AGTR1: variants seen among roughly 807,000 people sequenced by gnomAD.
AGTR1 encodes angiotensin II receptor type 1, also known as type-1 angiotensin II receptor.
AGTR1 carries 16 observed loss-of-function variants against 19.4 expected under a neutral mutation model. That is an observed-to-expected ratio of 0.82 (90% CI 0.56 to 1.25). The LOEUF (loss-of-function observed/expected upper bound fraction) is 1.25. Among genes scored for constraint, AGTR1 ranks in the 50% most tolerant of loss-of-function variants. AGTR1 has a pLI of 0.00. For synonymous variants in AGTR1, 153 were observed against 154.9 expected (o/e 0.99, Z 0.09); for missense variants, 373 against 431.9 (o/e 0.86, Z 1.21).
chr3:148,730,570 G>A (rs534627774), intron 2 of AGTR1: 226 of 187,868 alleles, frequency 1.2e-3, no homozygotes, highest in African/African-American at 5.0e-3. Flanking sequence ...CATTTTAGCT[G>A]AGGGTACTTT....
At chr3:148,734,106 A>G (rs1226774709) in intron 2 of AGTR1, among the ~76,000 whole-genome samples, 1 of 152,118 alleles carries the variant, frequency 6.6e-6, no homozygotes, top group African/African-American at 2.4e-5. Flanking sequence ...GAGTTGTTTA[A>G]TTTATAGTAA....
At chr3:148,702,587 A>T (rs890570525) in intron 1 of AGTR1, among the ~76,000 whole-genome samples, 3 of 152,146 alleles carry the variant, frequency 2.0e-5, no homozygotes, top group African/African-American at 7.2e-5. Context: ...GAAGCCATTT[A>T]AAAATGGCCC....
chr3:148,738,317 T>C (rs1197612608), intron 2 of AGTR1, among the ~76,000 whole-genome samples: 4 of 152,080 alleles, frequency 2.6e-5, no homozygotes, highest in African/African-American at 9.7e-5. Context: ...TGGAGTTCAC[T>C]CAGGCCCTTT....
chr3:148,701,650 T>A (rs767327369), intron 1 of AGTR1, among the ~76,000 whole-genome samples: 3 of 152,208 alleles, frequency 2.0e-5, no homozygotes, highest in Non-Finnish European at 4.4e-5. Context: ...AATGTTTTTA[T>A]TGTGTTGTTA....
chr3:148,737,287 A>T (rs1350065818), intron 2 of AGTR1, among the ~76,000 whole-genome samples: 1 of 152,016 alleles, frequency 6.6e-6, no homozygotes, highest in Non-Finnish European at 1.5e-5. Context: ...TGCTGCAGGC[A>T]TTAGTAAGGA....
chr3:148,718,522 G>T (rs1418238017), intron 2 of AGTR1, among the ~76,000 whole-genome samples: 1 of 152,136 alleles, frequency 6.6e-6, no homozygotes, highest in Admixed American at 6.5e-5. Context: ...AACATGGAAC[G>T]CAGTGAAAAC....
intron 1 of AGTR1, among the ~76,000 whole-genome samples, chr3:148,703,032 G>C (rs1055771653): frequency 1.3e-5 from 2 of 152,082 alleles, no homozygotes; most frequent in Admixed American, 1.3e-4. Context: ...GGAGAAAAGA[G>C]TAAGGAAAGA....
intron 1 of AGTR1, among the ~76,000 whole-genome samples, chr3:148,701,977 C>CTTT (rs398062907): frequency 4.5e-5 from 6 of 132,646 alleles, no homozygotes; most frequent in South Asian, 2.4e-4. Flanking sequence ...GATTGTGTAC[C>CTTT]TTTTTTTTTT....
chr3:148,710,226 A>G (rs988020673), intron 2 of AGTR1, among the ~76,000 whole-genome samples: 1 of 152,212 alleles, frequency 6.6e-6, no homozygotes, highest in Non-Finnish European at 1.5e-5. Context: ...GAAGTTTTTA[A>G]TACTTTTGAA....
intron 2 of AGTR1, among the ~76,000 whole-genome samples, chr3:148,732,024 C>T (rs1197464932): frequency 6.6e-6 from 1 of 152,156 alleles, no homozygotes; most frequent in East Asian, 1.9e-4. Context: ...TTTATCTGGG[C>T]AATTAGACCA....
intron 2 of AGTR1, among the ~76,000 whole-genome samples, chr3:148,739,341 A>G (rs1408743222): frequency 1.3e-5 from 2 of 151,430 alleles, no homozygotes; most frequent in Non-Finnish European, 2.9e-5. Flanking sequence ...CCTGGGCAAT[A>G]CAGTGACACT....
At chr3:148,698,987 GT>G (rs140965291) in intron 1 of AGTR1, among the ~76,000 whole-genome samples, 3 of 124,490 alleles carry the variant, frequency 2.4e-5, no homozygotes, top group African/African-American at 1.5e-4. Flanking sequence ...CTTCTGCACC[GT>G]TTTTTTCTTT....
chr3:148,733,171 TTTC>T (rs1186791109), intron 2 of AGTR1, among the ~76,000 whole-genome samples: 1 of 152,154 alleles, frequency 6.6e-6, no homozygotes, highest in African/African-American at 2.4e-5. Context: ...GCTCCCACAT[TTTC>T]CACCAATTTG....
chr3:148,741,187 TA>T lies in AGTR1; in HGVS notation c.153del (p.Ile51MetfsTer7), dbSNP rs1714852924. On this transcript the variant is annotated frameshift_variant, in exon 3 of 3. Transcript: ENST00000349243. LOFTEE classifies it high-confidence loss of function. ...VGIFGNSLVV[I>X]VIYFYMKLKT... ...ATATTTGGAAACAGCTTGGTGGTGA[TA>T]GTCATTTACTTTTATATGAAGCTGA... The T allele has an allele frequency of 6.2e-7, 1 of 1,614,194 alleles. No homozygotes were observed. Among genetic ancestry groups the T allele is most frequent in the Non-Finnish European group, 8.5e-7 (1 of 1,180,032 alleles).
intron 1 of AGTR1, among the ~76,000 whole-genome samples, chr3:148,699,220 C>G (rs1576520345): frequency 6.6e-6 from 1 of 152,270 alleles, no homozygotes; most frequent in East Asian, 1.9e-4. Context: ...CCCTATTGAT[C>G]TATTTTATTA....
Position 148,716,171 on chromosome 3 carries a change from G to T in AGTR1, c.-48+8144G>T, listed in dbSNP as rs2107941092. Among the ~76,000 whole-genome samples, 1 of 152,250 alleles carries T rather than the reference G, an allele frequency of 6.6e-6. No individual in the cohort carries two copies. The highest frequency in any genetic ancestry group is 1.9e-4 in the East Asian group (1 of 5,180). On this transcript the variant is annotated intron_variant, in intron 2 of 2. Coordinates refer to ENST00000349243, the MANE Select transcript of AGTR1 (RefSeq NM_000685.5). This position sits in a 1 kb window ranked among gnomAD's most constrained non-coding sequence, Gnocchi z 4.7. Reference sequence around the variant, plus strand: ...GCCCTTTTCAGAGCACTCCACCAGTGCCCTTGTCCTCCTGGGCAGAGCTCC... The same window carrying T: ...GCCCTTTTCAGAGCACTCCACCAGTTCCCTTGTCCTCCTGGGCAGAGCTCC...
chr3:148,720,514 G>A (rs1713571004), intron 2 of AGTR1, among the ~76,000 whole-genome samples: 1 of 152,088 alleles, frequency 6.6e-6, no homozygotes, highest in Admixed American at 6.5e-5. Flanking sequence ...ACAAGCTGTA[G>A]CATAGAGGGA....
In AGTR1 at chr3:148,714,655, A is replaced by G. The variant is rs572608094; in HGVS notation, c.-48+6628A>G. 1.1e-4 allele frequency among the ~76,000 whole-genome samples: 17 copies of G among 152,308 alleles called. No homozygotes were observed. The South Asian group carries it at 3.3e-3, about 30-fold the overall frequency. ...TTAAAATGCTCTGAAGTGTAGTGAA[A>G]TGTTCCCCAAACTGCAGATTTTCCC... On this transcript the variant is annotated intron_variant, in intron 2 of 2. Coordinates refer to ENST00000349243, the MANE Select transcript of AGTR1 (RefSeq NM_000685.5).
intron 2 of AGTR1, among the ~76,000 whole-genome samples, chr3:148,729,649 G>T (rs537161429): frequency 6.6e-6 from 1 of 152,268 alleles, no homozygotes; most frequent in African/African-American, 2.4e-5. Context: ...CCTGGCATCG[G>T]TGTCTCTTAT....
Sources: gnomAD v4.1 joint callset for allele counts (sites outside exome capture counted in the v4.1 genomes callset) on GRCh38, gnomAD v4.1.1 for gene constraint, Gnocchi (gnomAD v3.1) non-coding constraint, MANE v1.5 for transcripts, NCBI Gene and HGNC (gene_info 2026-07-23, HGNC 2026-07-21) for gene names.